NEDD1: variants seen among roughly 807,000 people sequenced by gnomAD.
NEDD1 encodes the protein protein NEDD1.
NEDD1 carries 33 observed loss-of-function variants against 74.0 expected under a neutral mutation model. That is an observed-to-expected ratio of 0.45 (90% CI 0.34 to 0.60). NEDD1 has a LOEUF of 0.60. Among genes scored for constraint, NEDD1 ranks in the 20% least tolerant of loss-of-function variants. NEDD1 has a pLI of 0.01. For missense variants in NEDD1, 746 were observed against 776.5 expected (o/e 0.96, Z 0.47); for synonymous variants, 250 against 264.4 (o/e 0.95, Z 0.53).
chr12:96,907,519 G>C, intron 1 of NEDD1, 85 bp from the exon 2 acceptor site: 1 of 1,118,850 alleles, frequency 8.9e-7, no homozygotes, highest in Non-Finnish European at 1.3e-6. Flanking sequence ...GGAGCCTTGT[G>C]GGGTGTGCTG....
At position 96,953,630 on chromosome 12, in the gene NEDD1, T is replaced by C. The variant is rs1878891339; in HGVS notation, c.*1577T>C. 2 of 151,800 alleles carry C rather than the reference T, an allele frequency of 1.3e-5. No homozygotes were observed. The highest frequency in any genetic ancestry group is 1.3e-4 in the Admixed American group (2 of 15,228). 9.4% of individuals were successfully genotyped at this position (151,800 alleles called of 1,614,324 possible). The stretch of plus-strand genomic sequence containing the variant: ...GTAATTATGTGTACAGATGAAACAT[T>C]TTTGTCATGGAATTTAAAAGCTAAG... On this transcript the variant is annotated 3_prime_UTR_variant, in exon 16 of 16. Transcript: ENST00000266742.
At chr12:96,917,508 A>G (rs1464048128) in intron 4 of NEDD1, 113 bp from the exon 5 acceptor site, 6 of 1,192,282 alleles carry the variant, frequency 5.0e-6, no homozygotes, top group Admixed American at 3.5e-5. Flanking sequence ...GCATGTTTAT[A>G]GTATTTAATT....
intron 9 of NEDD1, 49 bp downstream of exon 9, chr12:96,937,442 T>TTG: frequency 5.7e-6 from 2 of 352,532 alleles, no homozygotes; most frequent in Non-Finnish European, 7.6e-6. Context: ...TTTTTTTTTG[T>TTG]TTTTTTGTTT....
chr12:96,920,557 T>G (rs1397067877), intron 6 of NEDD1, among the ~76,000 whole-genome samples: 4 of 152,146 alleles, frequency 2.6e-5, no homozygotes, highest in Admixed American at 6.5e-5. Flanking sequence ...AGTTTTGCAT[T>G]TTTGTTTTTG....
At chr12:96,920,180 C>A (rs1874916435) in intron 6 of NEDD1, 55 bp downstream of exon 6, 7 of 1,121,218 alleles carry the variant, frequency 6.2e-6, no homozygotes, top group South Asian at 2.1e-5. Flanking sequence ...TGAATTGTAT[C>A]TTACATAAGA....
At chr12:96,910,418 A>G (rs955396314) in intron 3 of NEDD1, among the ~76,000 whole-genome samples, 5 of 152,140 alleles carry the variant, frequency 3.3e-5, no homozygotes, top group Non-Finnish European at 7.3e-5. Context: ...TGTGATGAAA[A>G]TTACATTTCC....
At chr12:96,949,717 G>T (rs1878525319) in intron 14 of NEDD1, among the ~76,000 whole-genome samples, 1 of 152,100 alleles carries the variant, frequency 6.6e-6, no homozygotes, top group Non-Finnish European at 1.5e-5. Context: ...CCAAAGGAAT[G>T]AAATAAGCTG....
At chr12:96,941,572 A>C (rs7957384) in intron 10 of NEDD1, among the ~76,000 whole-genome samples, 39,228 of 151,934 alleles carry the variant, frequency 0.26, 5,268 homozygotes, top group South Asian at 0.43. Flanking sequence ...GAGAAAAGTG[A>C]CTAGTGCTGG....
At chr12:96,945,606 G>A (rs1878113462) in intron 13 of NEDD1, 87 bp from the exon 14 acceptor site, 1 of 800,440 alleles carries the variant, frequency 1.2e-6, no homozygotes, top group Non-Finnish European at 2.0e-6. Flanking sequence ...AGTTTTTCAA[G>A]TTTGCACATG....
At position 96,932,892 on chromosome 12, in the gene NEDD1, G is replaced by A. The variant is rs141085126; in HGVS notation, c.490-2084G>A. ...TGTTTTCTATTATGTAGATGAGAAC[G>A]CTGAGTTTTGGAGAGTTTAAGTAAT... On this transcript the variant is annotated intron_variant, in intron 6 of 15. Coordinates refer to ENST00000266742, the MANE Select transcript of NEDD1 (RefSeq NM_152905.4). Among the ~76,000 whole-genome samples the A allele has an allele frequency of 4.0e-3, 610 of 151,918 alleles. 6 individuals are homozygous for A. The highest frequency in any genetic ancestry group is 0.014 in the African/African-American group (586 of 41,446).
At position 96,943,635 on chromosome 12, in the gene NEDD1, T is replaced by C. The variant is rs1390749214; in HGVS notation, c.1370T>C (p.Leu457Ser). 1 of 1,611,934 alleles carries C rather than the reference T, an allele frequency of 6.2e-7. No individual in the cohort carries two copies. The highest frequency in any genetic ancestry group is 1.1e-5 in the South Asian group (1 of 91,030). The change falls in exon 12 of 16, where the codon TTG (leucine) becomes TCG (serine). Residue 457 changes from leucine (L) to serine (S), a missense_variant. Physicochemically the swap from Leu to Ser is moderately radical, Grantham distance 145. Around this residue, in one of 3 missense-constraint regions of NEDD1, gnomAD observed 706 missense variants for 706.7 expected, o/e 1.00. Transcript: ENST00000266742. Reference sequence around the variant, plus strand: ...CCAGTAACTTCAAGTACTTCAGTATTGCATTCTAGTCCTCTTAATGTTTTT... The same window carrying C: ...CCAGTAACTTCAAGTACTTCAGTATCGCATTCTAGTCCTCTTAATGTTTTT... The part of the protein sequence containing the change: ...KNPVTSSTSV[L>S]HSSPLNVFMG...
In NEDD1 at chr12:96,907,856, G is replaced by A; in HGVS notation, c.-9G>A. On this transcript the variant is annotated splice_region_variant and 5_prime_UTR_variant, in exon 2 of 16. Transcript: ENST00000266742. Reference sequence around the variant, plus strand: ...TAATGCTCAGTTCTTAGAAGACCGAGGTAGGTGGGCAGATGGTCCTCTTCC... The same window carrying A: ...TAATGCTCAGTTCTTAGAAGACCGAAGTAGGTGGGCAGATGGTCCTCTTCC... The A allele has an allele frequency of 7.4e-7, 1 of 1,353,618 alleles. No individual in the cohort carries two copies. Among genetic ancestry groups the A allele is most frequent in the African/African-American group, 1.5e-5 (1 of 68,028 alleles). 83.9% of individuals were successfully genotyped at this position (1,353,618 alleles called of 1,614,324 possible). A position where few individuals can be genotyped will look rare whatever the true frequency, so the allele number is the denominator to read the frequency against.
intron 6 of NEDD1, among the ~76,000 whole-genome samples, chr12:96,923,025 G>A (rs955430726): frequency 6.6e-6 from 1 of 152,104 alleles, no homozygotes; most frequent in African/African-American, 2.4e-5. Flanking sequence ...GCTGAGGCAG[G>A]ATGATCACTT....
chr12:96,912,541 A>G lies in NEDD1; in HGVS notation c.137-182A>G, dbSNP rs1291110531. On this transcript the variant is annotated intron_variant, in intron 3 of 15. Coordinates refer to ENST00000266742, the MANE Select transcript of NEDD1 (RefSeq NM_152905.4). Reference sequence around the variant, plus strand: ...AAGGCTAGTTCTTCCCTGCAGTAGTAGCAAAGAGAATTAGTCTTAGTAATT... The same window carrying G: ...AAGGCTAGTTCTTCCCTGCAGTAGTGGCAAAGAGAATTAGTCTTAGTAATT... 9.3e-6 allele frequency: 4 copies of G among 430,434 alleles called. No homozygotes were observed. In the East Asian group the frequency reaches 1.4e-4, roughly 16 times the overall value. The allele number at this position is 430,434 out of a possible 1,614,324, so 26.7% of individuals were successfully genotyped here. A position where few individuals can be genotyped will look rare whatever the true frequency, so the allele number is the denominator to read the frequency against.
chr12:96,943,380 G>GT (rs1877858166), intron 11 of NEDD1, among the ~76,000 whole-genome samples, 180 bp from the exon 12 acceptor site: 1 of 152,130 alleles, frequency 6.6e-6, no homozygotes, highest in Admixed American at 6.6e-5. Context: ...GTCACAGAAA[G>GT]TTTAAGACTT....
intron 4 of NEDD1, among the ~76,000 whole-genome samples, chr12:96,917,155 T>G (rs1874548267): frequency 6.6e-6 from 1 of 152,162 alleles, no homozygotes; most frequent in Non-Finnish European, 1.5e-5. Flanking sequence ...TCTTGACTTC[T>G]TTAAAAAAAA....
Position 96,951,471 on chromosome 12 carries a change from G to A in NEDD1, c.1851G>A (p.Glu617=). The A allele has an allele frequency of 6.4e-7, 1 of 1,572,890 alleles. No homozygotes were observed. Among genetic ancestry groups the A allele is most frequent in the Non-Finnish European group, 8.7e-7 (1 of 1,146,516 alleles). The change falls in exon 15 of 16, where the codon GAG becomes GAA. Residue 617 remains glutamate, a synonymous_variant. Coordinates refer to ENST00000266742, the MANE Select transcript of NEDD1 (RefSeq NM_152905.4). ...GGGACATTGTGAATTTGCAAGTGGA[G>A]ATGATTAAACAGTTTCATATGCAAC... The part of the protein sequence containing the change: ...CHRDIVNLQV[E]MIKQFHMQLN...
chr12:96,909,744 A>C lies in NEDD1; in HGVS notation c.-8-8A>C. 1.9e-6 allele frequency: 3 copies of C among 1,603,354 alleles called. No individual in the cohort carries two copies. Among genetic ancestry groups the C allele is most frequent in the Non-Finnish European group, 2.6e-6 (3 of 1,173,796 alleles). ...TTTTTAAAATACATTGTTTTAAACT[A>C]TTTGTAGGCGCAGTCATGCAGGAAA... is the stretch of plus-strand genomic sequence containing the variant. On this transcript the variant is annotated splice_region_variant and splice_polypyrimidine_tract_variant and intron_variant, in intron 2 of 15. Transcript: ENST00000266742.
intron 6 of NEDD1, among the ~76,000 whole-genome samples, chr12:96,922,502 T>C (rs1231767499): frequency 6.6e-6 from 1 of 152,230 alleles, no homozygotes; most frequent in African/African-American, 2.4e-5. Flanking sequence ...TATATTCTTA[T>C]ACTTCAATTT....
Sources: gnomAD v4.1 joint callset for allele counts (sites outside exome capture counted in the v4.1 genomes callset) on GRCh38, gnomAD v4.1.1 for gene constraint, gnomAD v4.1.1 regional missense constraint, MANE v1.5 for transcripts, NCBI Gene and HGNC (gene_info 2026-07-23, HGNC 2026-07-21) for gene names.